The following TENM1 variants were observed in gnomAD, a reference collection of about 807,000 sequenced individuals.
TENM1 encodes teneurin transmembrane protein 1.
A neutral mutation model predicts 174.8 loss-of-function variants in TENM1; 35 were observed. The observed-to-expected ratio is 0.20, with a 90% CI of 0.15 to 0.27. TENM1 has a LOEUF of 0.27. Ranked by LOEUF, TENM1 falls within the 10% of genes least tolerant of loss-of-function variation. TENM1 has a pLI of 1.00. For synonymous variants in TENM1, 781 were observed against 798.7 expected, an observed-to-expected ratio of 0.98 and a Z score of 0.37; for missense variants, 1,633 against 2,130.1, an observed-to-expected ratio of 0.77 and a Z score of 4.59.
chrX:124,701,833 C>T (rs1032732437), intron 5 of TENM1, among the ~76,000 whole-genome samples: 2 of 111,928 alleles, frequency 1.8e-5, no homozygotes, highest in African/African-American at 3.2e-5. Context: ...TGGCTTTTCA[C>T]GTGCTGGATT....
At chrX:124,707,668 A>G (rs1486672234) in intron 4 of TENM1, among the ~76,000 whole-genome samples, 2 of 111,958 alleles carry the variant, frequency 1.8e-5, no homozygotes, top group African/African-American at 6.5e-5. Context: ...CAGTTCCGAT[A>G]AATCTCCACC....
intron 14 of TENM1, among the ~76,000 whole-genome samples, chrX:124,553,269 G>C (rs886088323): frequency 1.8e-5 from 2 of 110,113 alleles, no homozygotes; most frequent in African/African-American, 6.6e-5. Flanking sequence ...GACTGAGGGG[G>C]GGGGTGGATC....
At chrX:124,978,126 T>C in the TENM1 span, among the ~76,000 whole-genome samples, 164 of 111,442 alleles carry the variant, frequency 1.5e-3, no homozygotes, top group Non-Finnish European at 2.5e-3. Flanking sequence ...TGAGTCTCTC[T>C]AGTGAATTTT....
intron 11 of TENM1, among the ~76,000 whole-genome samples, chrX:124,621,789 C>T (rs1421367012): frequency 9.0e-6 from 1 of 110,554 alleles, no homozygotes; most frequent in Non-Finnish European, 1.9e-5. Context: ...GTAGGGAAAG[C>T]TGGTGGTGAA....
the TENM1 span, among the ~76,000 whole-genome samples, chrX:125,073,080 A>C: frequency 9.0e-6 from 1 of 111,585 alleles, no homozygotes; most frequent in Admixed American, 9.6e-5. Context: ...GCACAAAAGC[A>C]GAGGGCAGGA....
intron 11 of TENM1, among the ~76,000 whole-genome samples, chrX:124,625,872 C>A (rs779167104): frequency 9.0e-6 from 1 of 111,082 alleles, no homozygotes; most frequent in Admixed American, 9.6e-5. Context: ...ACTTCAAACA[C>A]TGGGGACTGC....
chrX:125,181,458 G>C, the TENM1 span, among the ~76,000 whole-genome samples: 2 of 111,544 alleles, frequency 1.8e-5, no homozygotes, highest in African/African-American at 3.3e-5. Context: ...CTGAGCAATC[G>C]GCCACTAGCT....
intron 20 of TENM1, among the ~76,000 whole-genome samples, chrX:124,488,584 G>A (rs752437892): frequency 6.2e-4 from 70 of 112,086 alleles, no homozygotes; most frequent in Admixed American, 2.0e-3. Context: ...AAACCTGGCC[G>A]CAGGCATTTA....
chrX:124,911,280 A>G (rs2057832591), intron 1 of TENM1, among the ~76,000 whole-genome samples: 1 of 111,382 alleles, frequency 9.0e-6, no homozygotes, highest in Non-Finnish European at 1.9e-5. Flanking sequence ...GTTATTCAAT[A>G]AGCACTCACG....
intron 6 of TENM1, among the ~76,000 whole-genome samples, chrX:124,669,333 A>T (rs185127781): frequency 9.0e-6 from 1 of 111,605 alleles, no homozygotes; most frequent in Non-Finnish European, 1.9e-5. Context: ...CCACAGTGCT[A>T]TAATGCCCAA....
intron 23 of TENM1, among the ~76,000 whole-genome samples, chrX:124,430,441 T>C (rs1375928119): frequency 8.9e-6 from 1 of 112,522 alleles, no homozygotes; most frequent in Non-Finnish European, 1.9e-5. Context: ...TCTGAGCTTC[T>C]GTTTCCTCAT....
intron 3 of TENM1, among the ~76,000 whole-genome samples, chrX:124,864,121 G>GGCAGTGAA (rs1433053873): frequency 8.9e-6 from 1 of 112,008 alleles, no homozygotes; most frequent in Non-Finnish European, 1.9e-5. Context: ...TTCCCAAGAA[G>GGCAGTGAA]GTTGGCTACA....
chrX:124,418,834 A>G (rs989365144), intron 25 of TENM1, among the ~76,000 whole-genome samples: 3 of 112,228 alleles, frequency 2.7e-5, no homozygotes, highest in Non-Finnish European at 5.6e-5. Flanking sequence ...TTTAAAAAAG[A>G]CATTAAAACT....
chrX:124,761,387 T>C (rs1852282385), intron 3 of TENM1, among the ~76,000 whole-genome samples: 1 of 109,835 alleles, frequency 9.1e-6, no homozygotes, highest in South Asian at 4.0e-4. Context: ...GTTCATGTCC[T>C]TTGTAGGGAC....
chrX:124,560,747 T>C (rs1039162253), intron 14 of TENM1, among the ~76,000 whole-genome samples: 1 of 112,290 alleles, frequency 8.9e-6, no homozygotes, highest in Non-Finnish European at 1.9e-5. Flanking sequence ...TGCAATTGTC[T>C]AAGCAGATAT....
At chrX:124,562,355 T>C (rs1300985215) in intron 13 of TENM1, among the ~76,000 whole-genome samples, 1 of 112,221 alleles carries the variant, frequency 8.9e-6, no homozygotes, top group Admixed American at 9.5e-5. Context: ...CTGTAGTTGC[T>C]TTATATTTAT....
At chrX:125,179,938 A>G in the TENM1 span, among the ~76,000 whole-genome samples, 1 of 103,672 alleles carries the variant, frequency 9.6e-6, no homozygotes, top group South Asian at 4.6e-4. Context: ...TAACTGGTTT[A>G]TTGGTCTTCA....
chrX:125,156,356 C>T, the TENM1 span, among the ~76,000 whole-genome samples: 1 of 111,578 alleles, frequency 9.0e-6, no homozygotes, highest in African/African-American at 3.3e-5. Context: ...TATTTTGTTA[C>T]CCCGGTAATA....
chrX:124,587,666 A>C (rs1370427034), intron 11 of TENM1, among the ~76,000 whole-genome samples: 4 of 110,442 alleles, frequency 3.6e-5, no homozygotes, highest in African/African-American at 1.3e-4. Context: ...AAGCAATAGC[A>C]ACAAAAGCCA....
Sources: allele counts gnomAD v4.1 joint callset (sites outside exome capture counted in the v4.1 genomes callset), GRCh38; gene constraint gnomAD v4.1.1; transcripts MANE v1.5; gene names NCBI Gene and HGNC (gene_info 2026-07-23, HGNC 2026-07-21).